The following RTN4 variants were observed in gnomAD, a reference collection of about 807,000 sequenced individuals.
RTN4 encodes the protein reticulon-4.
In RTN4, 32 loss-of-function variants were observed where a neutral mutation model predicts 90.4. The ratio of observed to expected loss-of-function variants is 0.35; its 90% CI spans 0.27 to 0.48. RTN4 has a LOEUF of 0.48. Among genes scored for constraint, RTN4 ranks in the 20% least tolerant of loss-of-function variants. The pLI is 0.99. For missense variants in RTN4, 1,706 were observed against 1,430.2 expected (o/e 1.19, Z -3.11); for synonymous variants, 629 against 552.5 (o/e 1.14, Z -1.94).
chr2:54,991,025 G>A (rs1052327238), intron 3 of RTN4, among the ~76,000 whole-genome samples: 10 of 151,812 alleles, frequency 6.6e-5, no homozygotes, highest in Admixed American at 3.9e-4. Context: ...CTCATGATCC[G>A]CCCGCCTCGG....
chr2:55,051,100 G>T (rs1668078674), upstream of RTN4, among the ~76,000 whole-genome samples: 2 of 152,308 alleles, frequency 1.3e-5, no homozygotes, highest in Non-Finnish European at 2.9e-5. Context: ...GAAAAAAATT[G>T]TTTTTTGACA....
rs776443022 is a variant in RTN4, at chr2:54,989,911, G to A, written c.3014-2213C>T. On this transcript the variant is annotated intron_variant, in intron 3 of 8. Coordinates refer to ENST00000337526, the MANE Select transcript of RTN4 (RefSeq NM_020532.5). ...TAATGCCTTTTTTTTTATTAGGAGGGTACAGTGAGAGAACACGGGGAGTGA... is the reference window on the plus strand; with the variant it reads ...TAATGCCTTTTTTTTTATTAGGAGGATACAGTGAGAGAACACGGGGAGTGA... Among the ~76,000 whole-genome samples, 3 of 151,992 alleles carry A rather than the reference G, an allele frequency of 2.0e-5. No homozygotes were observed. In the East Asian group the frequency reaches 5.8e-4, roughly 29 times the overall value.
intron 3 of RTN4, among the ~76,000 whole-genome samples, chr2:55,008,174 C>T (rs1680375460): frequency 6.6e-6 from 1 of 151,560 alleles, no homozygotes; most frequent in South Asian, 2.1e-4. Context: ...CACACACACA[C>T]ACCACCTTTT....
chr2:55,035,367 C>G (rs756918010), intron 1 of RTN4, among the ~76,000 whole-genome samples: 29 of 151,840 alleles, frequency 1.9e-4, no homozygotes, highest in Non-Finnish European at 3.1e-4. Context: ...TGTTTAAAAA[C>G]GAAACTACAG....
chr2:55,081,862 C>CAAAAAA lies in RTN4; in HGVS notation c.-213-1229_-213-1224dup, dbSNP rs71410421. Among the ~76,000 whole-genome samples the CAAAAAA allele has an allele frequency of 3.4e-4, 36 of 105,222 alleles. 1 individual carries two copies. The highest frequency in any genetic ancestry group is 7.9e-4 in the East Asian group (3 of 3,782). The allele number at this position is 105,222 out of a possible 152,430, so 69.0% of individuals were successfully genotyped here. On this transcript the variant is annotated intron_variant, in intron 1 of 3. Transcript: ENST00000427710. ...TCGGCAACAGAGCCAGACCCTGTCT[C>CAAAAAA]AAAAAAAAAAAAAAAAAAATGAGTG...
chr2:55,134,495 C>T, the RTN4 span, among the ~76,000 whole-genome samples: 5 of 152,194 alleles, frequency 3.3e-5, no homozygotes, highest in Non-Finnish European at 7.3e-5. Context: ...GGCTGATGCC[C>T]ACCCAGCAGG....
intron 2 of RTN4, among the ~76,000 whole-genome samples, chr2:55,077,516 T>C (rs191707530): frequency 1.0e-3 from 157 of 152,252 alleles, no homozygotes; most frequent in African/African-American, 3.6e-3. Context: ...ACATTGTTGG[T>C]GGGAATGAAA....
rs550043948 is a variant in RTN4 at position 55,035,944 on chromosome 2, C to T, written c.557-7724G>A. 3.9e-5 allele frequency among the ~76,000 whole-genome samples: 6 copies of T among 152,170 alleles called. No individual in the cohort carries two copies. The East Asian group carries it at 1.2e-3, about 29-fold the overall frequency. ...GAAAGACACAAATCACCAAAACTGA[C>T]ACAAGCAGAAATCAAAAATCAGAAT... On this transcript the variant is annotated intron_variant, in intron 1 of 8. Transcript: ENST00000337526.
chr2:55,039,838 T>A (rs745903255), intron 1 of RTN4, among the ~76,000 whole-genome samples: 1 of 152,230 alleles, frequency 6.6e-6, no homozygotes, highest in Non-Finnish European at 1.5e-5. Context: ...TTCTATTGTA[T>A]TGAAGACATT....
chr2:55,026,048 T>A lies in RTN4; in HGVS notation c.2051A>T (p.Asn684Ile), dbSNP rs1319471637. 6.2e-7 allele frequency: 1 copy of A among 1,611,036 alleles called. No homozygotes were observed. The highest frequency in any genetic ancestry group is 2.2e-5 in the East Asian group (1 of 44,882). ...KEEIKEPENI[N>I]AALQETEAPY... ...AGCTTCTGTTTCTTGAAGAGCTGCATTAATATTTTCAGGCTCTTTAATTTC... is the reference window on the plus strand; with the variant it reads ...AGCTTCTGTTTCTTGAAGAGCTGCAATAATATTTTCAGGCTCTTTAATTTC... The change falls in exon 3 of 9, where the codon AAT becomes ATT. Residue 684 changes from asparagine (N) to isoleucine (I), a missense_variant. By Grantham distance (149) the Asn-to-Ile change is moderately radical. Coordinates refer to ENST00000337526, the MANE Select transcript of RTN4 (RefSeq NM_020532.5).
At chr2:55,120,123 C>A in the RTN4 span, among the ~76,000 whole-genome samples, 1 of 152,248 alleles carries the variant, frequency 6.6e-6, no homozygotes, top group African/African-American at 2.4e-5. Flanking sequence ...CTCTGGACAC[C>A]CAGGCCTTGC....
At chr2:55,002,049 T>C (rs967618135) in intron 3 of RTN4, among the ~76,000 whole-genome samples, 8 of 151,006 alleles carry the variant, frequency 5.3e-5, no homozygotes, top group African/African-American at 1.9e-4. Context: ...TCAAATCTTA[T>C]TTTATTTATT....
At chr2:54,986,400 C>G (rs1230386509) in intron 4 of RTN4, among the ~76,000 whole-genome samples, 4 of 152,214 alleles carry the variant, frequency 2.6e-5, no homozygotes, top group Admixed American at 2.6e-4. Context: ...CTTAAAACTA[C>G]TGAATTCTGC....
chr2:55,124,006 T>C, the RTN4 span, among the ~76,000 whole-genome samples: 6 of 152,256 alleles, frequency 3.9e-5, no homozygotes, highest in African/African-American at 1.4e-4. Context: ...TGTATCCTTA[T>C]TGTACTGGCC....
At chr2:55,062,117 G>T (rs985402769) in intron 2 of RTN4, among the ~76,000 whole-genome samples, 6 of 152,094 alleles carry the variant, frequency 3.9e-5, no homozygotes, top group Non-Finnish European at 4.4e-5. Flanking sequence ...TCAGAGAAGA[G>T]TCGGGCCGCC....
intron 4 of RTN4, among the ~76,000 whole-genome samples, chr2:54,986,854 C>T (rs1048357778): frequency 6.6e-6 from 1 of 151,676 alleles, no homozygotes; most frequent in African/African-American, 2.4e-5. Context: ...AATTATATGT[C>T]AATTAAAAAA....
chr2:55,078,983 C>A lies in RTN4; in HGVS notation c.-63+1506G>T, dbSNP rs115520577. On this transcript the variant is annotated intron_variant, in intron 2 of 3. Coordinates refer to the RTN4 transcript ENST00000427710. ...GAAAATAGAGTAAGACAAACGGGAG[C>A]CAGTAGACCTCTTAAGAGGCCATGT... 3.9e-3 allele frequency among the ~76,000 whole-genome samples: 598 copies of A among 152,200 alleles called. 3 individuals are homozygous for A. The highest frequency in any genetic ancestry group is 0.011 in the African/African-American group (462 of 41,520).
At chr2:55,058,296 T>C (rs1404150297) in intron 2 of RTN4, among the ~76,000 whole-genome samples, 1 of 152,222 alleles carries the variant, frequency 6.6e-6, no homozygotes, top group African/African-American at 2.4e-5. Context: ...CAAACATCCT[T>C]GATGAAGCTC....
chr2:55,039,658 T>A (rs1682936581), intron 1 of RTN4, among the ~76,000 whole-genome samples: 2 of 152,094 alleles, frequency 1.3e-5, no homozygotes, highest in South Asian at 4.1e-4. Flanking sequence ...TGGGTGCCTG[T>A]AATCACAGCT....
Sources: allele counts gnomAD v4.1 joint callset (sites outside exome capture counted in the v4.1 genomes callset), GRCh38; gene constraint gnomAD v4.1.1; transcripts MANE v1.5; gene names NCBI Gene and HGNC (gene_info 2026-07-23, HGNC 2026-07-21).